Variants in KCNC2 observed in about 807,000 individuals in gnomAD.
KCNC2 encodes the protein potassium voltage-gated channel subfamily C member 2, also known as voltage-gated potassium channel KCNC2.
KCNC2 carries 21 observed loss-of-function variants against 44.5 expected under a neutral mutation model. The ratio of observed to expected loss-of-function variants is 0.47; its 90% CI spans 0.33 to 0.68. The LOEUF is 0.68. Among genes scored for constraint, KCNC2 ranks in the 30% least tolerant of loss-of-function variants. KCNC2 has a pLI of 0.01. For synonymous variants in KCNC2, 391 were observed against 339.1 expected (o/e 1.15, Z -1.68); for missense variants, 589 against 826.2 (o/e 0.71, Z 3.52).
chr12:75,040,887 C>G lies in KCNC2; in HGVS notation c.*2218G>C, dbSNP rs1879820163. On this transcript the variant is annotated 3_prime_UTR_variant, in exon 5 of 5. Coordinates refer to ENST00000549446, the MANE Select transcript of KCNC2 (RefSeq NM_139137.4). ...TACTTGAAACTTCAGAGATGTTGATCATGAATTTGGCTTCTTTTGATGAGA... is the reference window on the plus strand; with the variant it reads ...TACTTGAAACTTCAGAGATGTTGATGATGAATTTGGCTTCTTTTGATGAGA... The G allele has an allele frequency of 1.9e-6, 1 of 527,442 alleles. No homozygotes were observed. Among genetic ancestry groups the G allele is most frequent in the Non-Finnish European group, 3.4e-6 (1 of 293,214 alleles). The allele number at this position is 527,442 out of a possible 1,614,324, so 32.7% of individuals were successfully genotyped here.
chr12:75,171,374 C>G (rs1298869712), intron 2 of KCNC2, among the ~76,000 whole-genome samples: 1 of 151,808 alleles, frequency 6.6e-6, no homozygotes, highest in Admixed American at 6.6e-5. Context: ...CCTGTGTACA[C>G]TAGGATTGGG....
At position 75,145,949 on chromosome 12, in the gene KCNC2, TA is replaced by T. The variant is rs1889993018; in HGVS notation, c.687+61347del. ...AGCTACAACTAAAGTCTTACAGTCTTACCAATTTTTTTTTTTTTTTTTGAGA... is the reference window on the plus strand; with the variant it reads ...AGCTACAACTAAAGTCTTACAGTCTTCCAATTTTTTTTTTTTTTTTTGAGA... On this transcript the variant is annotated intron_variant, in intron 2 of 4. Coordinates refer to ENST00000549446, the MANE Select transcript of KCNC2 (RefSeq NM_139137.4). Among the ~76,000 whole-genome samples the T allele has an allele frequency of 1.3e-5, 2 of 149,562 alleles. 1 individual carries two copies. The highest frequency in any genetic ancestry group is 1.3e-4 in the Admixed American group (2 of 15,068).
chr12:75,182,096 G>A (rs900285762), intron 2 of KCNC2, among the ~76,000 whole-genome samples: 1 of 151,646 alleles, frequency 6.6e-6, no homozygotes, highest in Non-Finnish European at 1.5e-5. Context: ...AGGTAGTTAA[G>A]TGATAGAGCT....
intron 2 of KCNC2, among the ~76,000 whole-genome samples, chr12:75,147,644 C>A (rs1890117297): frequency 6.6e-6 from 1 of 152,094 alleles, no homozygotes; most frequent in Non-Finnish European, 1.5e-5. Flanking sequence ...AAGTGTCATT[C>A]CTGCAAGACG....
In KCNC2 at chr12:75,201,262, G is replaced by GAAAAAAAAAAA. The variant is rs1313998973; in HGVS notation, c.687+6024_687+6034dup. Among the ~76,000 whole-genome samples, 14 of 18,468 alleles carry GAAAAAAAAAAA rather than the reference G, an allele frequency of 7.6e-4. 4 individuals are homozygous for GAAAAAAAAAAA. The highest frequency in any genetic ancestry group is 1.5e-3 in the Admixed American group (2 of 1,358). The allele number at this position is 18,468 out of a possible 152,430, so 12.1% of individuals were successfully genotyped here. A position where few individuals can be genotyped will look rare whatever the true frequency, so the allele number is the denominator to read the frequency against. ...GGGCAGAAAGTTACAAACGAAATTG[G>GAAAAAAAAAAA]AAAAAAAAAAAAAAAAAAAAAAAAA... is the stretch of plus-strand genomic sequence containing the variant. On this transcript the variant is annotated intron_variant, in intron 2 of 4. Coordinates refer to ENST00000549446, the MANE Select transcript of KCNC2 (RefSeq NM_139137.4).
chr12:75,096,882 G>A (rs949268896), intron 2 of KCNC2, among the ~76,000 whole-genome samples: 5 of 151,842 alleles, frequency 3.3e-5, no homozygotes, highest in African/African-American at 9.7e-5. Flanking sequence ...AAATCATGAG[G>A]AATAGTTTAA....
At chr12:75,151,193 C>G (rs979717106) in intron 2 of KCNC2, among the ~76,000 whole-genome samples, 1 of 151,850 alleles carries the variant, frequency 6.6e-6, no homozygotes, top group Non-Finnish European at 1.5e-5. Context: ...ATAGGAGAAA[C>G]AAACCCTTTA....
At chr12:75,155,634 T>A (rs769108378) in intron 2 of KCNC2, among the ~76,000 whole-genome samples, 1 of 151,660 alleles carries the variant, frequency 6.6e-6, no homozygotes, top group Non-Finnish European at 1.5e-5. Context: ...ATTTGCCCAC[T>A]GATAACAGAA....
intron 2 of KCNC2, among the ~76,000 whole-genome samples, chr12:75,197,752 G>GCTA (rs2030900869): frequency 6.6e-6 from 1 of 151,920 alleles, no homozygotes; most frequent in Admixed American, 6.6e-5. Flanking sequence ...ACAACAACAT[G>GCTA]CTACTTTATC....
chr12:75,066,365 T>G (rs1484929971), intron 2 of KCNC2, among the ~76,000 whole-genome samples: 3 of 152,194 alleles, frequency 2.0e-5, no homozygotes, highest in African/African-American at 7.2e-5. Flanking sequence ...GCAGGTCACT[T>G]ATATATTTGG....
At chr12:75,105,277 G>C (rs1337481369) in intron 2 of KCNC2, among the ~76,000 whole-genome samples, 1 of 151,920 alleles carries the variant, frequency 6.6e-6, no homozygotes, top group Non-Finnish European at 1.5e-5. Flanking sequence ...GGAACAGCAA[G>C]TGTAATGAAA....
At chr12:75,065,582 C>A (rs530284159) in intron 2 of KCNC2, among the ~76,000 whole-genome samples, 2 of 152,104 alleles carry the variant, frequency 1.3e-5, no homozygotes, top group East Asian at 3.9e-4. Flanking sequence ...TTCTTAGACA[C>A]GCAATACTTA....
chr12:75,137,840 T>C (rs895633588), intron 2 of KCNC2, among the ~76,000 whole-genome samples: 3 of 152,330 alleles, frequency 2.0e-5, no homozygotes, highest in African/African-American at 7.2e-5. Context: ...AGCGCATCAG[T>C]ACCTCTGATT....
intron 2 of KCNC2, among the ~76,000 whole-genome samples, chr12:75,133,885 G>T (rs917974709): frequency 1.3e-5 from 2 of 151,562 alleles, no homozygotes; most frequent in Non-Finnish European, 2.9e-5. Flanking sequence ...GCTTTAAATA[G>T]AATAACAGGG....
At chr12:75,075,965 A>G (rs1883923050) in intron 2 of KCNC2, among the ~76,000 whole-genome samples, 1 of 151,928 alleles carries the variant, frequency 6.6e-6, no homozygotes, top group Admixed American at 6.6e-5. Context: ...TAATGATCAA[A>G]CTATTGGTCC....
At chr12:75,135,953 T>C (rs774654966) in intron 2 of KCNC2, among the ~76,000 whole-genome samples, 5 of 152,056 alleles carry the variant, frequency 3.3e-5, no homozygotes, top group Admixed American at 6.6e-5. Context: ...TTCTGTGTTA[T>C]GCACACCACA....
intron 2 of KCNC2, among the ~76,000 whole-genome samples, chr12:75,094,911 A>G (rs926279032): frequency 1.3e-5 from 2 of 151,844 alleles, no homozygotes; most frequent in African/African-American, 4.8e-5. Flanking sequence ...CACATTAGCT[A>G]CTGCTTAGAA....
chr12:75,205,762 T>C (rs1263455630), intron 2 of KCNC2, among the ~76,000 whole-genome samples: 1 of 151,704 alleles, frequency 6.6e-6, no homozygotes, highest in Non-Finnish European at 1.5e-5. Context: ...AAAACACAGA[T>C]GCACAGATGT....
At chr12:75,133,076 C>A (rs996224788) in intron 2 of KCNC2, among the ~76,000 whole-genome samples, 2 of 151,954 alleles carry the variant, frequency 1.3e-5, no homozygotes, top group Non-Finnish European at 2.9e-5. Flanking sequence ...ACTTTATCAA[C>A]TCTATTATAC....
Sources: allele counts gnomAD v4.1 joint callset (sites outside exome capture counted in the v4.1 genomes callset), GRCh38; gene constraint gnomAD v4.1.1; transcripts MANE v1.5; gene names NCBI Gene and HGNC (gene_info 2026-07-23, HGNC 2026-07-21).